Variants in GRIN2B observed in about 807,000 individuals in gnomAD.
GRIN2B encodes the protein glutamate ionotropic receptor NMDA type subunit 2B.
In GRIN2B, 5 loss-of-function variants were observed where a neutral mutation model predicts 114.5. The observed-to-expected ratio is 0.04, with a 90% confidence interval of 0.02 to 0.09. The LOEUF (loss-of-function observed/expected upper bound fraction) is 0.09, where lower values mean the gene tolerates loss of function less well. Among genes scored for constraint, GRIN2B ranks in the 10% least tolerant of loss-of-function variants. The pLI, the probability that GRIN2B is intolerant of heterozygous loss-of-function variation, is 1.00. For missense variants in GRIN2B, 1,108 were observed against 1,943.5 expected (o/e 0.57, Z 8.08); for synonymous variants, 787 against 745.1 (o/e 1.06, Z -0.92).
Position 13,652,094 on chromosome 12 carries a change from C to G in GRIN2B, c.1125+23651G>C, listed in dbSNP as rs1290159628. Among the ~76,000 whole-genome samples, 24 of 151,930 alleles carry G rather than the reference C, an allele frequency of 1.6e-4. 2 individuals are homozygous for G. The highest frequency in any genetic ancestry group is 3.5e-4 in the Non-Finnish European group (24 of 67,980). On this transcript the variant is annotated intron_variant, in intron 5 of 13. Transcript: ENST00000609686. ...ATTATGGTTCTCTGAATCTACCATA[C>G]CCTTTTCACCTCCTTGCACTACACA...
intron 3 of GRIN2B, among the ~76,000 whole-genome samples, chr12:13,755,738 A>T (rs1175361134): frequency 2.0e-5 from 3 of 152,222 alleles, no homozygotes; most frequent in Non-Finnish European, 4.4e-5. Context: ...ACACAGTGGG[A>T]CTTTGGTCGG....
intron 4 of GRIN2B, among the ~76,000 whole-genome samples, chr12:13,741,319 C>T (rs983973082): frequency 1.3e-5 from 2 of 152,148 alleles, no homozygotes; most frequent in Non-Finnish European, 2.9e-5. Flanking sequence ...CGTGAGCCAC[C>T]GCGCCCAGAC....
intron 5 of GRIN2B, among the ~76,000 whole-genome samples, chr12:13,625,248 T>TA: frequency 6.6e-6 from 1 of 152,234 alleles, no homozygotes; most frequent in Non-Finnish European, 1.5e-5. Flanking sequence ...CACGCTATGT[T>TA]ACCAAGAGAA....
Position 13,552,540 on chromosome 12 carries a change from A to C in GRIN2B, c.*10243T>G, listed in dbSNP as rs755521430. 11 of 152,142 alleles carry C rather than the reference A, an allele frequency of 7.2e-5. No homozygotes were observed. Among genetic ancestry groups the C allele is most frequent in the African/African-American group, 1.4e-4 (6 of 41,438 alleles). 9.4% of individuals were successfully genotyped at this position (152,142 alleles called of 1,614,324 possible). A position where few individuals can be genotyped will look rare whatever the true frequency, so the allele number is the denominator to read the frequency against. On this transcript the variant is annotated 3_prime_UTR_variant, in exon 14 of 14. Coordinates refer to ENST00000609686, the MANE Select transcript of GRIN2B (RefSeq NM_000834.5). ...TAATTGACATGAACAGTTCATGGCT[A>C]AAATGCCTAGAATTTTGGTCCATTT...
intron 2 of GRIN2B, among the ~76,000 whole-genome samples, chr12:13,944,789 CTAA>C (rs899162740): frequency 4.0e-4 from 61 of 152,242 alleles, no homozygotes; most frequent in African/African-American, 1.4e-3. Context: ...AGGCTTTCAC[CTAA>C]TAAATCAAGT....
intron 3 of GRIN2B, among the ~76,000 whole-genome samples, chr12:13,823,801 T>G (rs1323249500): frequency 1.3e-5 from 2 of 152,158 alleles, no homozygotes; most frequent in African/African-American, 4.8e-5. Context: ...TCCATACATA[T>G]CTTTATCAGG....
At chr12:13,771,081 T>C (rs1863900609) in intron 3 of GRIN2B, among the ~76,000 whole-genome samples, 1 of 152,176 alleles carries the variant, frequency 6.6e-6, no homozygotes, top group Admixed American at 6.5e-5. Context: ...AGGGACCCAG[T>C]GGGAGGTAAT....
intron 3 of GRIN2B, among the ~76,000 whole-genome samples, chr12:13,785,863 G>C (rs538071101): frequency 6.6e-6 from 1 of 152,282 alleles, no homozygotes; most frequent in South Asian, 2.1e-4. Flanking sequence ...TCTACTAAGA[G>C]GCAGAGCTAA....
intron 3 of GRIN2B, among the ~76,000 whole-genome samples, chr12:13,785,730 A>C (rs1358533486): frequency 6.6e-6 from 1 of 152,216 alleles, no homozygotes; most frequent in African/African-American, 2.4e-5. Flanking sequence ...TTCTCTTTTA[A>C]TCATCACATC....
At chr12:13,887,666 C>T (rs937186187) in intron 2 of GRIN2B, among the ~76,000 whole-genome samples, 1 of 152,204 alleles carries the variant, frequency 6.6e-6, no homozygotes, top group Non-Finnish European at 1.5e-5. Context: ...TACTTACCCA[C>T]TCATCTAGGA....
intron 5 of GRIN2B, among the ~76,000 whole-genome samples, chr12:13,666,220 T>C (rs1387710799): frequency 6.6e-6 from 1 of 152,156 alleles, no homozygotes; most frequent in African/African-American, 2.4e-5. Flanking sequence ...GGTCATACTT[T>C]CTTTCTCACC....
chr12:13,567,293 T>TA (rs745502706), intron 12 of GRIN2B, 30 bp from the exon 13 acceptor site: 1 of 1,497,294 alleles, frequency 6.7e-7, no homozygotes, highest in Admixed American at 1.7e-5. Context: ...GGAAAATGGA[T>TA]AAAAAGAGGA....
intron 3 of GRIN2B, among the ~76,000 whole-genome samples, chr12:13,808,607 G>A (rs917315546): frequency 6.6e-6 from 1 of 151,714 alleles, no homozygotes; most frequent in Non-Finnish European, 1.5e-5. Context: ...GGTGGGGGAA[G>A]GGGGGAGGGA....
chr12:13,688,054 T>C (rs1950186363), intron 4 of GRIN2B, among the ~76,000 whole-genome samples: 1 of 152,182 alleles, frequency 6.6e-6, no homozygotes, highest in Admixed American at 6.6e-5. Flanking sequence ...ATCAATGATA[T>C]AAAATAATAG....
intron 3 of GRIN2B, among the ~76,000 whole-genome samples, chr12:13,764,930 T>C (rs1863752182): frequency 6.6e-6 from 1 of 152,248 alleles, no homozygotes; most frequent in African/African-American, 2.4e-5. Context: ...CTAATCTGAA[T>C]CCTTCACAAT....
chr12:13,919,555 A>G (rs564230009), intron 2 of GRIN2B, among the ~76,000 whole-genome samples: 47 of 152,186 alleles, frequency 3.1e-4, no homozygotes, highest in African/African-American at 1.1e-3. Flanking sequence ...TTTTTTTCTT[A>G]AGGGCTTAAT....
intron 5 of GRIN2B, among the ~76,000 whole-genome samples, chr12:13,622,927 G>A (rs1949532101): frequency 6.6e-6 from 1 of 152,134 alleles, no homozygotes; most frequent in East Asian, 1.9e-4. Flanking sequence ...AATGAACTTT[G>A]GGGGACACAT....
At chr12:13,830,380 C>T (rs1865123875) in intron 3 of GRIN2B, among the ~76,000 whole-genome samples, 1 of 152,158 alleles carries the variant, frequency 6.6e-6, no homozygotes, top group Admixed American at 6.5e-5. Flanking sequence ...TTTTTCAACA[C>T]ATGACTTCTA....
At chr12:13,884,230 A>C (rs1866115597) in intron 2 of GRIN2B, among the ~76,000 whole-genome samples, 1 of 150,432 alleles carries the variant, frequency 6.6e-6, no homozygotes, top group Admixed American at 6.8e-5. Flanking sequence ...TTGCCATGTA[A>C]ATTTTAGAAT....
Sources: allele counts gnomAD v4.1 joint callset (sites outside exome capture counted in the v4.1 genomes callset), GRCh38; gene constraint gnomAD v4.1.1; transcripts MANE v1.5; gene names NCBI Gene and HGNC (gene_info 2026-07-23, HGNC 2026-07-21).